The following HDAC4 variants were observed in gnomAD, a reference collection of about 807,000 sequenced individuals.
The protein encoded by HDAC4 is histone deacetylase A.
In HDAC4, 16 loss-of-function variants were observed where a neutral mutation model predicts 135.1. The observed-to-expected ratio is 0.12, with a 90% CI of 0.08 to 0.18. The LOEUF is 0.18. HDAC4 is among the 10% of genes least tolerant of loss of function. The pLI is 1.00. For synonymous variants in HDAC4, 685 were observed against 653.4 expected (o/e 1.05, Z -0.74); for missense variants, 1,143 against 1,511.8 (o/e 0.76, Z 4.05).
At chr2:239,256,069 A>G (rs1181450239) in intron 2 of HDAC4, among the ~76,000 whole-genome samples, 1 of 152,264 alleles carries the variant, frequency 6.6e-6, no homozygotes, top group Non-Finnish European at 1.5e-5. Flanking sequence ...TAATGCAAAC[A>G]GCATCTGTTC....
At chr2:239,168,762 T>C (rs2043271130) in intron 5 of HDAC4, among the ~76,000 whole-genome samples, 1 of 152,186 alleles carries the variant, frequency 6.6e-6, no homozygotes, top group South Asian at 2.1e-4. Context: ...CACAGGGGCC[T>C]GCGGCCCTGC....
chr2:239,312,887 G>T (rs1338493055), intron 2 of HDAC4, among the ~76,000 whole-genome samples: 1 of 152,230 alleles, frequency 6.6e-6, no homozygotes, highest in Non-Finnish European at 1.5e-5. Context: ...TCTGCAGAGG[G>T]AGACCGGGAG....
At chr2:239,156,110 CT>C (rs1446263283) in intron 7 of HDAC4, among the ~76,000 whole-genome samples, 1 of 152,230 alleles carries the variant, frequency 6.6e-6, no homozygotes, top group Non-Finnish European at 1.5e-5. Context: ...CCTAAATGCC[CT>C]TCTCCCTTGG....
intron 2 of HDAC4, among the ~76,000 whole-genome samples, chr2:239,279,459 T>C (rs1350141518): frequency 6.6e-6 from 1 of 152,200 alleles, no homozygotes; most frequent in Non-Finnish European, 1.5e-5. Context: ...GCTCCCAATA[T>C]CTAGGCAGAA....
intron 2 of HDAC4, among the ~76,000 whole-genome samples, chr2:239,333,145 A>G (rs904022634): frequency 6.6e-6 from 1 of 152,238 alleles, no homozygotes; most frequent in Non-Finnish European, 1.5e-5. Context: ...TCTTTCCTAC[A>G]TAAACTCTTC....
chr2:239,053,626 C>T (rs746539719), intron 25 of HDAC4, 25 bp from the exon 26 acceptor site: 132 of 1,610,202 alleles, frequency 8.2e-5, no homozygotes, highest in South Asian at 6.1e-4. Flanking sequence ...TGAGGAAAGT[C>T]GCTCAGTGAC....
At chr2:239,230,368 C>CAAAAAAAAAAAAAAAAAAAAAAAAA (rs56105562) in intron 3 of HDAC4, among the ~76,000 whole-genome samples, 4 of 79,392 alleles carry the variant, frequency 5.0e-5, no homozygotes, top group Admixed American at 1.5e-4. Context: ...AGCAAGCAAG[C>CAAAAAAAAAAAAAAAAAAAAAAAAA]AAAAAAAAAA....
rs1332796428 is a variant in HDAC4 at position 239,141,736 on chromosome 2, C to T, written c.866-1940G>A. 2.0e-5 allele frequency among the ~76,000 whole-genome samples: 3 copies of T among 152,144 alleles called. No individual in the cohort carries two copies. Among genetic ancestry groups the T allele is most frequent in the Non-Finnish European group, 2.9e-5 (2 of 68,046 alleles). On this transcript the variant is annotated intron_variant, in intron 8 of 26. Transcript: ENST00000543185. The surrounding 1 kb of genome is among the most constrained non-coding windows in gnomAD (Gnocchi z 4.9). ...TGTAATGGGTGCCTCCCAGCTGTGT[C>T]GTCAGATAAATACCCTCACGCATGT...
chr2:239,330,671 C>T (rs1160377805), intron 2 of HDAC4, among the ~76,000 whole-genome samples: 1 of 152,192 alleles, frequency 6.6e-6, no homozygotes, highest in African/African-American at 2.4e-5. Flanking sequence ...TGGCTGCTTC[C>T]CCATAATGCT....
rs137952362 is a variant in HDAC4 at position 239,311,034 on chromosome 2, C to T, written c.22+41644G>A. Among the ~76,000 whole-genome samples the T allele has an allele frequency of 5.7e-3, 865 of 152,364 alleles. 4 individuals carry two copies. Among genetic ancestry groups the T allele is most frequent in the Non-Finnish European group, 0.01 (685 of 68,032 alleles). ...TTTAAACATTCTGCTGAGATCTGCG[C>T]GGTCGCGGTCTGACAGGCAGGCCTT... On this transcript the variant is annotated intron_variant, in intron 2 of 26. Transcript: ENST00000543185.
rs754536041 is a variant in HDAC4 at position 239,303,640 on chromosome 2, C to A, written c.22+49038G>T. The stretch of plus-strand genomic sequence containing the variant: ...CAATTGAGGAAACCAACAGGTTGAG[C>A]TGCTGCCTCAAGTAAAAAATTCAAG... On this transcript the variant is annotated intron_variant, in intron 2 of 26. Coordinates refer to ENST00000543185, the MANE Select transcript of HDAC4 (RefSeq NM_001378414.1). The surrounding 1 kb of genome is among the most constrained non-coding windows in gnomAD (Gnocchi z 5.1). Among the ~76,000 whole-genome samples, 3 of 151,984 alleles carry A rather than the reference C, an allele frequency of 2.0e-5. No individual in the cohort carries two copies. Among genetic ancestry groups the A allele is most frequent in the Non-Finnish European group, 4.4e-5 (3 of 67,980 alleles).
chr2:239,249,261 T>A (rs6543519), intron 2 of HDAC4, among the ~76,000 whole-genome samples: 2 of 152,036 alleles, frequency 1.3e-5, no homozygotes, highest in Non-Finnish European at 2.9e-5. Context: ...CCGAAGGCCA[T>A]GGTAAGGACC....
rs1375234719 is a variant in HDAC4, at chr2:239,068,861, G to A, written c.2751-254C>T. ...GCAAGCCCCACGACACTTGCTTGGTGAGAGGGAGTCACGGTGCAAGCCAGC... is the reference window on the plus strand; with the variant it reads ...GCAAGCCCCACGACACTTGCTTGGTAAGAGGGAGTCACGGTGCAAGCCAGC... On this transcript the variant is annotated intron_variant, in intron 22 of 26. Coordinates refer to ENST00000543185, the MANE Select transcript of HDAC4 (RefSeq NM_001378414.1). The surrounding 1 kb of genome is among the most constrained non-coding windows in gnomAD (Gnocchi z 4.4). 1.4e-5 allele frequency: 7 copies of A among 501,532 alleles called. No individual in the cohort carries two copies. Among genetic ancestry groups the A allele is most frequent in the South Asian group, 1.1e-4 (6 of 52,838 alleles). The allele number at this position is 501,532 out of a possible 1,614,324, so 31.1% of individuals were successfully genotyped here. A position where few individuals can be genotyped will look rare whatever the true frequency, so the allele number is the denominator to read the frequency against.
At chr2:239,224,077 C>T (rs1048153231) in intron 3 of HDAC4, among the ~76,000 whole-genome samples, 2 of 152,176 alleles carry the variant, frequency 1.3e-5, no homozygotes, top group African/African-American at 2.4e-5. Context: ...CTCATCCCAG[C>T]GCAGGGTCTG....
chr2:239,391,276 T>C (rs1696187931), intron 1 of HDAC4, among the ~76,000 whole-genome samples: 1 of 152,202 alleles, frequency 6.6e-6, no homozygotes, highest in Admixed American at 6.5e-5. Flanking sequence ...GTCTAATCTC[T>C]GTAAACTATG....
intron 1 of HDAC4, among the ~76,000 whole-genome samples, chr2:239,355,511 G>A (rs747597861): frequency 9.2e-5 from 14 of 152,108 alleles, no homozygotes; most frequent in South Asian, 6.2e-4. Flanking sequence ...CTTCTCACTC[G>A]GCCTAGTCCC....
At chr2:239,232,832 G>A (rs2047666688) in intron 3 of HDAC4, among the ~76,000 whole-genome samples, 1 of 76,346 alleles carries the variant, frequency 1.3e-5, no homozygotes, top group African/African-American at 5.9e-5. Context: ...CAAGCCAAGG[G>A]TGGCCCTTCC....
At position 239,115,964 on chromosome 2, in the gene HDAC4, C is replaced by T. The variant is rs1438318929; in HGVS notation, c.1534-654G>A. ...GCAGGATTCCATGGGTGCTCCATGACCTGCCCCGCTATGGGGCCCCAAGAA... is the reference window on the plus strand; with the variant it reads ...GCAGGATTCCATGGGTGCTCCATGATCTGCCCCGCTATGGGGCCCCAAGAA... On this transcript the variant is annotated intron_variant, in intron 12 of 26. Coordinates refer to ENST00000543185, the MANE Select transcript of HDAC4 (RefSeq NM_001378414.1). This position sits in a 1 kb window ranked among gnomAD's most constrained non-coding sequence, Gnocchi z 6.3. Among the ~76,000 whole-genome samples, 1 of 152,154 alleles carries T rather than the reference C, an allele frequency of 6.6e-6. No homozygotes were observed. The highest frequency in any genetic ancestry group is 1.5e-5 in the Non-Finnish European group (1 of 68,036).
chr2:239,185,631 T>G (rs922529843), intron 4 of HDAC4, among the ~76,000 whole-genome samples: 12 of 152,210 alleles, frequency 7.9e-5, no homozygotes, highest in African/African-American at 2.6e-4. Context: ...CTCACCAGCC[T>G]GGAGCATGCT....
Sources: allele counts gnomAD v4.1 joint callset (sites outside exome capture counted in the v4.1 genomes callset), GRCh38; gene constraint gnomAD v4.1.1; non-coding constraint Gnocchi (gnomAD v3.1); transcripts MANE v1.5; gene names NCBI Gene and HGNC (gene_info 2026-07-23, HGNC 2026-07-21).